Variants in TTC23 observed in about 807,000 individuals in gnomAD.
The protein encoded by TTC23 is tetratricopeptide repeat protein 23.
In TTC23, 58 loss-of-function variants were observed where a neutral mutation model predicts 55.1. That is an observed-to-expected ratio of 1.05 (90% CI 0.85 to 1.31). The LOEUF (loss-of-function observed/expected upper bound fraction) is 1.31, where lower values mean the gene tolerates loss of function less well. Ranked by LOEUF, TTC23 falls within the 50% of genes most tolerant of loss-of-function variation. TTC23 has a pLI of 0.00. For synonymous variants in TTC23, 203 were observed against 199.9 expected (o/e 1.02, Z -0.13); for missense variants, 516 against 534.4 (o/e 0.97, Z 0.34).
At chr15:99,139,170 C>T (rs1555488694) in intron 13 of TTC23, 147 bp downstream of exon 13, 1 of 993,370 alleles carries the variant, frequency 1.0e-6, no homozygotes, top group Non-Finnish European at 1.5e-6. Context: ...ACTCGGGTTT[C>T]AAAGGAACTT....
intron 9 of TTC23, among the ~76,000 whole-genome samples, chr15:99,182,776 T>G: frequency 6.6e-6 from 1 of 152,092 alleles, no homozygotes; most frequent in East Asian, 1.9e-4. Context: ...TATAGCTTGA[T>G]TTTTAAAAAA....
At chr15:99,216,601 C>A (rs2077490745) in intron 8 of TTC23, among the ~76,000 whole-genome samples, 1 of 152,094 alleles carries the variant, frequency 6.6e-6, no homozygotes, top group South Asian at 2.1e-4. Context: ...AGGTGAATCC[C>A]AAGTGGCTAA....
At chr15:99,246,274 T>G (rs891967106) in intron 1 of TTC23, among the ~76,000 whole-genome samples, 2 of 152,242 alleles carry the variant, frequency 1.3e-5, no homozygotes, top group African/African-American at 4.8e-5. Context: ...TGTAAATCAT[T>G]AATCTGATAA....
Position 99,156,189 on chromosome 15 carries a change from C to T in TTC23, c.1102G>A (p.Ala368Thr). Residue 368 changes from alanine (A) to threonine (T), a missense_variant, in exon 12 of 14, where the codon GCG becomes ACG. Transcript: ENST00000394132. Reference sequence around the variant, plus strand: ...CGGGCCCCACTGTGGTTCCCCTGCGCCAGGTCTGCTCCTCCCAGGAGCCGG... The same window carrying T: ...CGGGCCCCACTGTGGTTCCCCTGCGTCAGGTCTGCTCCTCCCAGGAGCCGG... Reference protein sequence around the residue: ...TYRLLGGADLAQGNHSGARKK... With the variant: ...TYRLLGGADLTQGNHSGARKK... 1 of 1,614,220 alleles carries T rather than the reference C, an allele frequency of 6.2e-7. No homozygotes were observed. Among genetic ancestry groups the T allele is most frequent in the Non-Finnish European group, 8.5e-7 (1 of 1,180,034 alleles).
intron 13 of TTC23, 157 bp downstream of exon 13, chr15:99,139,160 A>G (rs1555488675): frequency 2.3e-6 from 2 of 863,210 alleles, no homozygotes; most frequent in East Asian, 2.6e-5. Context: ...ATCTTTTACA[A>G]CTCGGGTTTC....
At chr15:99,180,436 G>A (rs1734166531) in intron 9 of TTC23, among the ~76,000 whole-genome samples, 1 of 152,086 alleles carries the variant, frequency 6.6e-6, no homozygotes, top group African/African-American at 2.4e-5. Context: ...TGCCTTGTAT[G>A]TATGTCTGGG....
chr15:99,204,632 G>GTTGTTTTTTTTTTTT (rs2076456312), intron 8 of TTC23, among the ~76,000 whole-genome samples: 1 of 60,892 alleles, frequency 1.6e-5, no homozygotes, highest in African/African-American at 6.8e-5. Context: ...TAGATTTAAG[G>GTTGTTTTTTTTTTTT]TTTTTTTTTT....
At chr15:99,193,272 C>A (rs1366015945) in intron 9 of TTC23, among the ~76,000 whole-genome samples, 1 of 152,096 alleles carries the variant, frequency 6.6e-6, no homozygotes, top group Non-Finnish European at 1.5e-5. Context: ...TTTGGAGAGG[C>A]CGGGGGCAGA....
intron 5 of TTC23, among the ~76,000 whole-genome samples, chr15:99,223,253 G>A (rs899624397): frequency 3.3e-5 from 5 of 152,104 alleles, no homozygotes; most frequent in Non-Finnish European, 7.4e-5. Context: ...CAACCTCCCT[G>A]AATTCATATA....
intron 10 of TTC23, among the ~76,000 whole-genome samples, chr15:99,172,457 C>G (rs937748394): frequency 6.6e-6 from 1 of 152,174 alleles, no homozygotes; most frequent in African/African-American, 2.4e-5. Context: ...TTCCTGTGTC[C>G]CTTGTCTGCC....
chr15:99,181,039 A>G (rs1426856272), intron 9 of TTC23, among the ~76,000 whole-genome samples: 1 of 152,206 alleles, frequency 6.6e-6, no homozygotes, highest in Non-Finnish European at 1.5e-5. Flanking sequence ...CTCAGTCTCA[A>G]AATGACCATT....
rs2067685272 is a variant in TTC23, at chr15:99,137,497, C to G, written c.*513G>C. The G allele has an allele frequency of 6.6e-6, 1 of 152,472 alleles. No homozygotes were observed. The highest frequency in any genetic ancestry group is 2.1e-4 in the South Asian group (1 of 4,846). 9.4% of individuals were successfully genotyped at this position (152,472 alleles called of 1,614,324 possible). A position where few individuals can be genotyped will look rare whatever the true frequency, so the allele number is the denominator to read the frequency against. On this transcript the variant is annotated 3_prime_UTR_variant, in exon 14 of 14. Coordinates refer to ENST00000394132, the MANE Select transcript of TTC23 (RefSeq NM_001288615.3). ...ACCCCTTTTCAGGCTCCGAAGAACTCTGAGGCAGGCTGCACTTTGAAAACA... is the reference window on the plus strand; with the variant it reads ...ACCCCTTTTCAGGCTCCGAAGAACTGTGAGGCAGGCTGCACTTTGAAAACA...
chr15:99,220,566 T>G (rs1236865813), intron 6 of TTC23, among the ~76,000 whole-genome samples: 1 of 152,164 alleles, frequency 6.6e-6, no homozygotes, highest in African/African-American at 2.4e-5. Context: ...GAGTTTAAAT[T>G]AGATAATCTC....
chr15:99,211,685 G>A (rs536276823), intron 8 of TTC23, among the ~76,000 whole-genome samples: 1 of 152,176 alleles, frequency 6.6e-6, no homozygotes, highest in African/African-American at 2.4e-5. Flanking sequence ...GCACCTAGAT[G>A]CTTTAAAGTA....
chr15:99,150,490 G>A (rs1213272207), intron 12 of TTC23, among the ~76,000 whole-genome samples: 1 of 152,202 alleles, frequency 6.6e-6, no homozygotes, highest in Non-Finnish European at 1.5e-5. Flanking sequence ...GGTAGGTGCA[G>A]CACTTATATA....
chr15:99,172,680 G>A (rs1390618997), intron 10 of TTC23, among the ~76,000 whole-genome samples: 2 of 152,156 alleles, frequency 1.3e-5, no homozygotes, highest in South Asian at 2.1e-4. Context: ...CTATCTCATC[G>A]AGTTGCAAGG....
intron 2 of TTC23, among the ~76,000 whole-genome samples, chr15:99,244,583 CAAAA>C (rs2080079737): frequency 6.6e-6 from 1 of 151,902 alleles, no homozygotes; most frequent in Non-Finnish European, 1.5e-5. Context: ...ATAAATTTAA[CAAAA>C]GAAATACAAG....
chr15:99,167,953 C>G (rs958267933), intron 10 of TTC23, among the ~76,000 whole-genome samples: 2 of 152,212 alleles, frequency 1.3e-5, no homozygotes, highest in Non-Finnish European at 2.9e-5. Flanking sequence ...AGCTCCCTCA[C>G]CCAGGAAACA....
intron 9 of TTC23, among the ~76,000 whole-genome samples, chr15:99,191,741 A>C (rs1391640962): frequency 6.6e-6 from 1 of 152,238 alleles, no homozygotes; most frequent in Non-Finnish European, 1.5e-5. Flanking sequence ...GCAAAACAGC[A>C]GAGAGGGGTG....
Sources: allele counts gnomAD v4.1 joint callset (sites outside exome capture counted in the v4.1 genomes callset), GRCh38; gene constraint gnomAD v4.1.1; transcripts MANE v1.5; gene names NCBI Gene and HGNC (gene_info 2026-07-23, HGNC 2026-07-21).